POM121: variants seen among roughly 807,000 people sequenced by gnomAD.
The protein encoded by POM121 is POM121 transmembrane nucleoporin.
POM121 carries 32 observed loss-of-function variants against 81.3 expected under a neutral mutation model. That is an observed-to-expected ratio of 0.39 (90% CI 0.30 to 0.53). The LOEUF (loss-of-function observed/expected upper bound fraction) is 0.53, where lower values mean the gene tolerates loss of function less well. POM121 is among the 20% of genes least tolerant of loss of function. The pLI is 0.66. For synonymous variants in POM121, 514 were observed against 694.2 expected (o/e 0.74, Z 4.08); for missense variants, 1,138 against 1,614.6 (o/e 0.70, Z 5.06).
At chr7:72,901,922 G>A (rs1554492711) in intron 3 of POM121, among the ~76,000 whole-genome samples, 1 of 151,978 alleles carries the variant, frequency 6.6e-6, no homozygotes, top group African/African-American at 2.4e-5. Context: ...AGACCAGCCT[G>A]GCCAACATGG....
At chr7:72,881,220 A>G (rs1371741374) in intron 1 of POM121, among the ~76,000 whole-genome samples, 1 of 151,894 alleles carries the variant, frequency 6.6e-6, no homozygotes, top group African/African-American at 2.4e-5. Context: ...ATGTGACACT[A>G]TGCCTGGCTA....
intron 1 of POM121, among the ~76,000 whole-genome samples, chr7:72,882,140 C>T (rs1458864235): frequency 6.6e-6 from 1 of 152,152 alleles, no homozygotes; most frequent in African/African-American, 2.4e-5. Context: ...CATTCTCACA[C>T]TGCTATAGAG....
intron 3 of POM121, among the ~76,000 whole-genome samples, chr7:72,899,901 C>T (rs2129575494): frequency 7.1e-6 from 1 of 139,996 alleles, no homozygotes; most frequent in South Asian, 2.4e-4. Context: ...TTTAAACGTA[C>T]TTGAGCACCA....
intron 3 of POM121, among the ~76,000 whole-genome samples, chr7:72,893,711 C>A (rs1554491237): frequency 6.6e-6 from 1 of 152,144 alleles, no homozygotes; most frequent in African/African-American, 2.4e-5. Context: ...TTTTGTCAAG[C>A]ACGTGACAGC....
At chr7:72,949,186 G>C, downstream of POM121, 1 of 1,221,016 alleles carries the variant, frequency 8.2e-7, no homozygotes, top group Non-Finnish European at 1.2e-6. Context: ...TCGCTTCACA[G>C]AGGAGAACTT....
chr7:72,945,982 A>C (rs1797651396), intron 12 of POM121, among the ~76,000 whole-genome samples, 155 bp from the exon 13 acceptor site: 1 of 152,004 alleles, frequency 6.6e-6, no homozygotes, highest in Admixed American at 6.6e-5. Flanking sequence ...GCATTTCAGG[A>C]GGCTTCTCCC....
chr7:72,886,165 T>G (rs1790689638), intron 1 of POM121, among the ~76,000 whole-genome samples: 2 of 151,626 alleles, frequency 1.3e-5, no homozygotes, highest in East Asian at 3.9e-4. Context: ...ATTTATTTAT[T>G]TATTTATTTA....
intron 5 of POM121, among the ~76,000 whole-genome samples, chr7:72,930,668 A>T (rs1487768061): frequency 1.1e-4 from 16 of 152,230 alleles, no homozygotes; most frequent in African/African-American, 3.6e-4. Context: ...GGAACAGGGC[A>T]GGCTTTGCTG....
Position 72,894,646 on chromosome 7 carries a change from A to C in POM121, c.-216+3536A>C, listed in dbSNP as rs1394709498. Among the ~76,000 whole-genome samples the C allele has an allele frequency of 5.0e-5, 3 of 60,492 alleles. No homozygotes were observed. The East Asian group carries it at 3.6e-3, about 72-fold the overall frequency. The allele number at this position is 60,492 out of a possible 152,430, so 39.7% of individuals were successfully genotyped here. A position where few individuals can be genotyped will look rare whatever the true frequency, so the allele number is the denominator to read the frequency against. On this transcript the variant is annotated intron_variant, in intron 3 of 15. Transcript: ENST00000395270. ...AGAGAGGAGAGAGAGAGAGAGAGAG[A>C]GAGAGAGAGAGAGAGAGAGAGAGAG...
chr7:72,933,051 CAAAA>C (rs1335219609), intron 5 of POM121, among the ~76,000 whole-genome samples: 2 of 95,728 alleles, frequency 2.1e-5, no homozygotes, highest in Non-Finnish European at 4.3e-5. Context: ...GACTCTGTCT[CAAAA>C]AAAAAAAAAA....
At chr7:72,926,514 G>A (rs1180707892) in intron 2 of POM121, 37 bp downstream of exon 2, 3 of 1,611,308 alleles carry the variant, frequency 1.9e-6, no homozygotes, top group East Asian at 2.2e-5. Flanking sequence ...CTCCCTTTTC[G>A]TGTCCACTTT....
chr7:72,939,140 C>G (rs1796813979), intron 6 of POM121, among the ~76,000 whole-genome samples, 196 bp from the exon 7 acceptor site: 1 of 152,198 alleles, frequency 6.6e-6, no homozygotes, highest in Non-Finnish European at 1.5e-5. Flanking sequence ...CAAAAGCTGT[C>G]TTCATGGCCT....
At chr7:72,902,810 A>G (rs1192772752) in intron 3 of POM121, among the ~76,000 whole-genome samples, 5 of 152,178 alleles carry the variant, frequency 3.3e-5, no homozygotes, top group African/African-American at 9.7e-5. Flanking sequence ...AATTACAGGC[A>G]TGAGCCACTG....
chr7:72,946,329 G>A lies in POM121; in HGVS notation c.*95G>A. Reference sequence around the variant, plus strand: ...CCTTGGACCCTTCCAGTTGCGTAAAGCAAACCTACCCCGGATCTCTGGCTT... The same window carrying A: ...CCTTGGACCCTTCCAGTTGCGTAAAACAAACCTACCCCGGATCTCTGGCTT... On this transcript the variant is annotated 3_prime_UTR_variant, in exon 13 of 13. Coordinates refer to ENST00000434423, the MANE Select transcript of POM121 (RefSeq NM_001387691.1). The A allele has an allele frequency of 6.6e-7, 1 of 1,509,172 alleles. No homozygotes were observed. Among genetic ancestry groups the A allele is most frequent in the Non-Finnish European group, 8.9e-7 (1 of 1,127,212 alleles). 93.5% of individuals were successfully genotyped at this position (1,509,172 alleles called of 1,614,324 possible).
intron 5 of POM121, 64 bp downstream of exon 5, chr7:72,930,175 C>G: frequency 6.5e-7 from 1 of 1,528,412 alleles, no homozygotes; most frequent in Non-Finnish European, 8.9e-7. Flanking sequence ...TTGACTAGGG[C>G]CAGACATGGT....
At chr7:72,916,435 T>C (rs1470743030) in intron 4 of POM121, among the ~76,000 whole-genome samples, 2 of 152,196 alleles carry the variant, frequency 1.3e-5, no homozygotes, top group East Asian at 3.8e-4. Context: ...CCTTACCCCA[T>C]TGCTTGTTTT....
intron 7 of POM121, 118 bp downstream of exon 7, chr7:72,939,527 A>G (rs1554500327): frequency 9.2e-6 from 13 of 1,410,836 alleles, no homozygotes; most frequent in Non-Finnish European, 1.2e-5. Flanking sequence ...AAGGCATGTT[A>G]GATACAAAGA....
At chr7:72,883,120 AC>A (rs1389160195) in intron 1 of POM121, among the ~76,000 whole-genome samples, 1 of 152,026 alleles carries the variant, frequency 6.6e-6, no homozygotes, top group Non-Finnish European at 1.5e-5. Context: ...ACTCACTGCA[AC>A]CTCAATCTCC....
chr7:72,918,185 C>A (rs530825447), intron 4 of POM121, among the ~76,000 whole-genome samples: 19 of 152,322 alleles, frequency 1.2e-4, no homozygotes, highest in African/African-American at 4.1e-4. Flanking sequence ...GCAAGCCTGA[C>A]TGATGTCAGG....
Sources: gnomAD v4.1 joint callset for allele counts (sites outside exome capture counted in the v4.1 genomes callset) on GRCh38, gnomAD v4.1.1 for gene constraint, MANE v1.5 for transcripts, NCBI Gene and HGNC (gene_info 2026-07-23, HGNC 2026-07-21) for gene names.